TOX: variants seen among roughly 807,000 people sequenced by gnomAD.
TOX encodes thymocyte selection associated high mobility group box, also known as thymocyte selection-associated high mobility group box protein TOX.
TOX carries 11 observed loss-of-function variants against 53.7 expected under a neutral mutation model. The ratio of observed to expected loss-of-function variants is 0.20; its 90% confidence interval spans 0.13 to 0.34. The LOEUF (loss-of-function observed/expected upper bound fraction) is 0.34. TOX is among the 10% of genes least tolerant of loss of function. The probability of loss-of-function intolerance (pLI) is 1.00; values close to 1 mark genes in which losing one functional copy is unlikely to be tolerated. For synonymous variants in TOX, 225 were observed against 245.3 expected (o/e 0.92, Z 0.77); for missense variants, 570 against 664.6 (o/e 0.86, Z 1.56).
chr8:58,849,037 C>T (rs190968844), intron 4 of TOX, among the ~76,000 whole-genome samples: 1 of 152,052 alleles, frequency 6.6e-6, no homozygotes, highest in Admixed American at 6.6e-5. Context: ...CACATAAATC[C>T]TACTCACATA....
chr8:58,879,432 T>C (rs1811345520), intron 3 of TOX, among the ~76,000 whole-genome samples: 1 of 152,176 alleles, frequency 6.6e-6, no homozygotes, highest in Non-Finnish European at 1.5e-5. Context: ...CAAAGAAGCA[T>C]TACCACATTT....
chr8:58,808,358 A>G lies in TOX; in HGVS notation c.1393-89T>C, dbSNP rs138608989. The G allele has an allele frequency of 4.2e-5, 62 of 1,470,620 alleles. No individual in the cohort carries two copies. The African/African-American group carries it at 8.2e-4, about 20-fold the overall frequency. The allele number at this position is 1,470,620 out of a possible 1,614,324, so 91.1% of individuals were successfully genotyped here. A position where few individuals can be genotyped will look rare whatever the true frequency, so the allele number is the denominator to read the frequency against. On this transcript the variant is annotated intron_variant, in intron 7 of 8. Transcript: ENST00000361421. Reference sequence around the variant, plus strand: ...ATATTTATTCATTCTTTGCAGACACACTAGGCCTCTTGCTTCTGTCTCTGC... The same window carrying G: ...ATATTTATTCATTCTTTGCAGACACGCTAGGCCTCTTGCTTCTGTCTCTGC...
intron 5 of TOX, among the ~76,000 whole-genome samples, chr8:58,829,844 A>AAAATTATC (rs199601773): frequency 0.012 from 1,798 of 152,282 alleles, 20 homozygotes; most frequent in African/African-American, 0.023. Context: ...AAGATGTTTA[A>AAAATTATC]AAATTATCAA....
chr8:58,811,739 CA>C (rs1810080150), intron 7 of TOX, among the ~76,000 whole-genome samples: 1 of 152,026 alleles, frequency 6.6e-6, no homozygotes, highest in Admixed American at 6.5e-5. Flanking sequence ...AGGAAGTTGA[CA>C]GATATTAATG....
At chr8:58,902,867 A>ACT (rs1187214714) in intron 3 of TOX, among the ~76,000 whole-genome samples, 1 of 152,102 alleles carries the variant, frequency 6.6e-6, no homozygotes, top group Non-Finnish European at 1.5e-5. Context: ...TATGAATTCT[A>ACT]CTCAGTATCT....
chr8:58,837,189 A>G (rs577335357), intron 5 of TOX, among the ~76,000 whole-genome samples: 1 of 152,328 alleles, frequency 6.6e-6, no homozygotes, highest in South Asian at 2.1e-4. Context: ...GTCTCTAATT[A>G]AGAATAAAAT....
intron 3 of TOX, among the ~76,000 whole-genome samples, chr8:58,925,478 G>A (rs1812142586): frequency 6.6e-6 from 1 of 152,168 alleles, no homozygotes; most frequent in South Asian, 2.1e-4. Context: ...TCTATAACCT[G>A]CTATTCACAA....
chr8:58,840,501 C>T (rs1224578034), intron 4 of TOX, among the ~76,000 whole-genome samples: 2 of 152,132 alleles, frequency 1.3e-5, no homozygotes, highest in Non-Finnish European at 2.9e-5. Context: ...AACATGGCTG[C>T]ACATTAGAGT....
At chr8:58,974,233 G>A (rs917785705) in intron 1 of TOX, among the ~76,000 whole-genome samples, 1 of 152,170 alleles carries the variant, frequency 6.6e-6, no homozygotes, top group Admixed American at 6.5e-5. Context: ...GGCCAGGGAT[G>A]CTCCCATACA....
chr8:59,098,154 C>T (rs1804745373), intron 1 of TOX, among the ~76,000 whole-genome samples: 1 of 152,136 alleles, frequency 6.6e-6, no homozygotes, highest in South Asian at 2.1e-4. Flanking sequence ...CAGGTACCTG[C>T]CGGAGCGCCA....
At chr8:59,060,117 A>G (rs1005114461) in intron 1 of TOX, among the ~76,000 whole-genome samples, 3 of 152,132 alleles carry the variant, frequency 2.0e-5, no homozygotes, top group African/African-American at 7.2e-5. Flanking sequence ...GGATGCTATT[A>G]CCTTATCATT....
intron 1 of TOX, among the ~76,000 whole-genome samples, chr8:59,060,767 A>T (rs1219984565): frequency 1.3e-5 from 2 of 152,216 alleles, no homozygotes; most frequent in South Asian, 2.1e-4. Context: ...TCTTAGTAAC[A>T]TCAAAAATTA....
intron 1 of TOX, among the ~76,000 whole-genome samples, chr8:58,993,528 T>G (rs1444873799): frequency 6.6e-6 from 1 of 152,196 alleles, no homozygotes; most frequent in Non-Finnish European, 1.5e-5. Context: ...TGCAGAGATT[T>G]CTATGGAAAA....
chr8:58,976,093 T>G (rs760015933), intron 1 of TOX, among the ~76,000 whole-genome samples: 1 of 151,842 alleles, frequency 6.6e-6, no homozygotes, highest in Non-Finnish European at 1.5e-5. Context: ...AAATGAAGTT[T>G]GCCACATCTA....
chr8:58,979,967 T>C (rs1187084188), intron 1 of TOX, among the ~76,000 whole-genome samples: 1 of 152,228 alleles, frequency 6.6e-6, no homozygotes, highest in Non-Finnish European at 1.5e-5. Flanking sequence ...ATTAACTTTA[T>C]CATTTAAAAG....
chr8:58,820,141 C>T (rs1364327572), intron 6 of TOX, among the ~76,000 whole-genome samples: 1 of 152,058 alleles, frequency 6.6e-6, no homozygotes, highest in African/African-American at 2.4e-5. Context: ...TGTAAGTTTG[C>T]CTCATTCTAT....
chr8:58,930,122 C>A (rs1389937828), intron 3 of TOX, among the ~76,000 whole-genome samples: 1 of 152,056 alleles, frequency 6.6e-6, no homozygotes, highest in Non-Finnish European at 1.5e-5. Context: ...ATTTTAGACA[C>A]CATGATAAAT....
At chr8:58,999,109 T>C (rs1329042443) in intron 1 of TOX, among the ~76,000 whole-genome samples, 1 of 152,200 alleles carries the variant, frequency 6.6e-6, no homozygotes, top group Non-Finnish European at 1.5e-5. Flanking sequence ...CAAATTGTTT[T>C]TTGGTTATAG....
Position 58,851,465 on chromosome 8 carries a change from G to A in TOX, c.693+59C>T. The A allele has an allele frequency of 3.2e-6, 5 of 1,578,910 alleles. No individual in the cohort carries two copies. Among genetic ancestry groups the A allele is most frequent in the East Asian group, 2.2e-5 (1 of 44,506 alleles). On this transcript the variant is annotated intron_variant, in intron 4 of 8. Coordinates refer to ENST00000361421, the MANE Select transcript of TOX (RefSeq NM_014729.3). The surrounding 1 kb of genome is among the most constrained non-coding windows in gnomAD (Gnocchi z 4.4). ...ATGATATAAACTTGTACCCAGCACA[G>A]GTCAAAGAAGGTGCCTAAGAATAGT...
Sources: gnomAD v4.1 joint callset for allele counts (sites outside exome capture counted in the v4.1 genomes callset) on GRCh38, gnomAD v4.1.1 for gene constraint, Gnocchi (gnomAD v3.1) non-coding constraint, MANE v1.5 for transcripts, NCBI Gene and HGNC (gene_info 2026-07-23, HGNC 2026-07-21) for gene names.